Variants in PHF24 observed in about 807,000 individuals in gnomAD.
PHF24 encodes the protein PHD finger protein 24, also known as Galpha inhibitory interacting protein.
A neutral mutation model predicts 42.6 loss-of-function variants in PHF24; 25 were observed. That is an observed-to-expected ratio of 0.59 (90% CI 0.43 to 0.82). PHF24 has a LOEUF of 0.82. Ranked by LOEUF, PHF24 falls within the 40% of genes least tolerant of loss-of-function variation. PHF24 has a pLI of 0.00. For synonymous variants in PHF24, 185 were observed against 204.8 expected, an observed-to-expected ratio of 0.90 and a Z score of 0.83; for missense variants, 470 against 538.1, an observed-to-expected ratio of 0.87 and a Z score of 1.25.
chr9:34,786,092 G>A, the PHF24 span, among the ~76,000 whole-genome samples: 1 of 152,112 alleles, frequency 6.6e-6, no homozygotes, highest in East Asian at 1.9e-4. Flanking sequence ...ATACATAATT[G>A]CTAGAAAGTC....
chr9:34,786,419 T>C, the PHF24 span, among the ~76,000 whole-genome samples: 1 of 152,092 alleles, frequency 6.6e-6, no homozygotes, highest in African/African-American at 2.4e-5. Context: ...TTTATTTTCT[T>C]CTCCAGGACA....
rs149306549 is a variant in PHF24 at position 34,970,741 on chromosome 9, C to T, written c.-4-554C>T. Among the ~76,000 whole-genome samples, 4 of 152,228 alleles carry T rather than the reference C, an allele frequency of 2.6e-5. No homozygotes were observed. In the East Asian group the frequency reaches 5.8e-4, roughly 22 times the overall value. On this transcript the variant is annotated intron_variant, in intron 1 of 7. Coordinates refer to ENST00000242315, the Ensembl canonical transcript of PHF24. ...TGGATTCTGAAGTCTCCAACCATTTCGAAGTAGCAGAGGTGTAGGACCCCT... is the reference window on the plus strand; with the variant it reads ...TGGATTCTGAAGTCTCCAACCATTTTGAAGTAGCAGAGGTGTAGGACCCCT...
At chr9:34,748,231 A>G in the PHF24 span, among the ~76,000 whole-genome samples, 2 of 152,178 alleles carry the variant, frequency 1.3e-5, no homozygotes, top group African/African-American at 4.8e-5. Context: ...CAAGATGTAC[A>G]CTTGAGATTT....
the PHF24 span, among the ~76,000 whole-genome samples, chr9:34,952,199 G>T: frequency 1.3e-5 from 2 of 152,120 alleles, no homozygotes; most frequent in East Asian, 3.8e-4. Flanking sequence ...AAAGCTCCTA[G>T]AACTAATATG....
At chr9:34,806,566 C>T in the PHF24 span, among the ~76,000 whole-genome samples, 1 of 152,156 alleles carries the variant, frequency 6.6e-6, no homozygotes, top group East Asian at 1.9e-4. Context: ...TCAAGCAATT[C>T]TCCCACCTCA....
At position 34,958,927 on chromosome 9, in the gene PHF24, C is replaced by G. The variant is rs1012531618; in HGVS notation, c.-5+526C>G. Among the ~76,000 whole-genome samples the G allele has an allele frequency of 6.6e-6, 1 of 152,214 alleles. No individual in the cohort carries two copies. The highest frequency in any genetic ancestry group is 2.4e-5 in the African/African-American group (1 of 41,454). On this transcript the variant is annotated intron_variant, in intron 1 of 7. Coordinates refer to ENST00000242315, the Ensembl canonical transcript of PHF24. This position sits in a 1 kb window ranked among gnomAD's most constrained non-coding sequence, Gnocchi z 4.5. ...GAGTGACTTCCCACGGCTCCAAGGA[C>G]TTTGGCCTCCACCGGGATCCCTGTA...
the PHF24 span, among the ~76,000 whole-genome samples, chr9:34,809,931 G>GC: frequency 5.3e-5 from 8 of 151,348 alleles, no homozygotes; most frequent in Non-Finnish European, 1.2e-4. This position sits in a 1 kb window ranked among gnomAD's most constrained non-coding sequence, Gnocchi z 4.1. Flanking sequence ...ACCTCGGGGC[G>GC]CGGGGGCGCG....
chr9:34,798,099 A>T, the PHF24 span, among the ~76,000 whole-genome samples: 2 of 152,166 alleles, frequency 1.3e-5, no homozygotes, highest in Non-Finnish European at 2.9e-5. Flanking sequence ...AGGTGATGGA[A>T]CTGGTCTGTA....
At chr9:34,923,724 T>C in the PHF24 span, among the ~76,000 whole-genome samples, 1 of 152,174 alleles carries the variant, frequency 6.6e-6, no homozygotes, top group African/African-American at 2.4e-5. Context: ...TCCTGGTTAG[T>C]CTAACTAAAG....
At chr9:34,859,536 T>C in the PHF24 span, among the ~76,000 whole-genome samples, 7 of 152,340 alleles carry the variant, frequency 4.6e-5, no homozygotes, top group African/African-American at 1.7e-4. Flanking sequence ...CCAGATCTCC[T>C]ATAAGGTTAT....
chr9:34,716,557 T>G, the PHF24 span, among the ~76,000 whole-genome samples: 1 of 119,588 alleles, frequency 8.4e-6, no homozygotes, highest in South Asian at 3.1e-4. Context: ...TTTGTTTGTT[T>G]TGTTTTGCTT....
chr9:34,720,362 G>C, the PHF24 span, among the ~76,000 whole-genome samples: 1 of 151,448 alleles, frequency 6.6e-6, no homozygotes, highest in Non-Finnish European at 1.5e-5. Flanking sequence ...GGAGAATGGC[G>C]TGAACCCGGG....
At chr9:34,879,893 A>G in the PHF24 span, among the ~76,000 whole-genome samples, 1 of 152,196 alleles carries the variant, frequency 6.6e-6, no homozygotes, top group Non-Finnish European at 1.5e-5. Context: ...CAAGACACAT[A>G]ATTATCAGAT....
chr9:34,673,143 G>T, the PHF24 span, among the ~76,000 whole-genome samples: 1 of 152,186 alleles, frequency 6.6e-6, no homozygotes, highest in Non-Finnish European at 1.5e-5. Flanking sequence ...ATCACCTGGG[G>T]TCAGAAGTTT....
chr9:34,681,489 C>T, the PHF24 span, among the ~76,000 whole-genome samples: 7 of 152,310 alleles, frequency 4.6e-5, no homozygotes, highest in African/African-American at 1.7e-4. Flanking sequence ...GTGACTGTAT[C>T]TGAAGATGGG....
At chr9:34,843,346 A>G in the PHF24 span, among the ~76,000 whole-genome samples, 1 of 152,230 alleles carries the variant, frequency 6.6e-6, no homozygotes, top group African/African-American at 2.4e-5. Context: ...AATCTTTTGG[A>G]AAGTGTGTAT....
At chr9:34,721,317 C>T in the PHF24 span, among the ~76,000 whole-genome samples, 6 of 152,048 alleles carry the variant, frequency 3.9e-5, no homozygotes, top group South Asian at 4.2e-4. Flanking sequence ...GTTCTAATGC[C>T]TCACATTTCT....
the PHF24 span, among the ~76,000 whole-genome samples, chr9:34,697,556 C>A: frequency 0.54 from 82,623 of 151,944 alleles, 23,969 homozygotes; most frequent in African/African-American, 0.74. Flanking sequence ...CTGACCTCAG[C>A]CGATCCACCT....
the PHF24 span, among the ~76,000 whole-genome samples, chr9:34,939,271 C>T: frequency 6.6e-6 from 1 of 152,222 alleles, no homozygotes; most frequent in Non-Finnish European, 1.5e-5. Flanking sequence ...AAGAGCGAAA[C>T]TCCATCTCAA....
Sources: allele counts gnomAD v4.1 joint callset (sites outside exome capture counted in the v4.1 genomes callset), GRCh38; gene constraint gnomAD v4.1.1; non-coding constraint Gnocchi (gnomAD v3.1); transcripts MANE v1.5; gene names NCBI Gene and HGNC (gene_info 2026-07-23, HGNC 2026-07-21).